Variants in WWOX observed in about 807,000 individuals in gnomAD.
WWOX encodes the protein WW domain containing oxidoreductase.
Under a neutral mutation model 46.2 loss-of-function variants are expected in WWOX, and 69 were observed. The observed-to-expected ratio is 1.49, with a 90% CI of 1.23 to 1.82. The LOEUF is 1.82. WWOX is among the 40% of genes most tolerant of loss of function. The pLI is 0.00. For missense variants in WWOX, 919 were observed against 542.6 expected, an observed-to-expected ratio of 1.69 and a Z score of -6.89; for synonymous variants, 359 against 202.6, an observed-to-expected ratio of 1.77 and a Z score of -6.56.
intron 6 of WWOX, among the ~76,000 whole-genome samples, chr16:78,414,802 A>G (rs567858803): frequency 1.2e-4 from 19 of 152,266 alleles, no homozygotes; most frequent in Middle Eastern, 6.8e-3. Flanking sequence ...TTTAAACTAT[A>G]AACGAAATTT....
intron 8 of WWOX, among the ~76,000 whole-genome samples, chr16:78,914,852 CCGGG>C (rs2045207581): frequency 1.3e-5 from 2 of 149,250 alleles, no homozygotes; most frequent in Non-Finnish European, 3.0e-5. Context: ...GCACTCCCGC[CCGGG>C]TGACAGAGCG....
chr16:78,587,216 T>TTTG (rs2045230607), intron 8 of WWOX, among the ~76,000 whole-genome samples: 4 of 134,988 alleles, frequency 3.0e-5, no homozygotes, highest in African/African-American at 1.2e-4. Context: ...TTTTTTTTTT[T>TTTG]GTAGAAACAG....
intron 8 of WWOX, among the ~76,000 whole-genome samples, chr16:78,646,781 C>A (rs1032556140): frequency 6.6e-6 from 1 of 152,192 alleles, no homozygotes; most frequent in Non-Finnish European, 1.5e-5. Context: ...AGAACTAGAA[C>A]ATAAGCTCTC....
intron 8 of WWOX, among the ~76,000 whole-genome samples, chr16:78,839,036 G>C (rs2052067598): frequency 6.6e-6 from 1 of 152,080 alleles, no homozygotes; most frequent in Non-Finnish European, 1.5e-5. Flanking sequence ...CTAGAGTTTT[G>C]TGAGATATCA....
chr16:79,157,796 A>G (rs1030846789), intron 8 of WWOX, among the ~76,000 whole-genome samples: 3 of 152,132 alleles, frequency 2.0e-5, no homozygotes, highest in African/African-American at 7.2e-5. Context: ...CAAGAGGCAG[A>G]GGGAGAGGGT....
At position 78,271,219 on chromosome 16, in the gene WWOX, C is replaced by T. The variant is rs55919432; in HGVS notation, c.516+106930C>T. ...ATGATTTCGTATGTTATCCCATTCA[C>T]AGATGGTTTTTTTCGTCCACCTGAG... On this transcript the variant is annotated intron_variant, in intron 5 of 8. Transcript: ENST00000566780. Among the ~76,000 whole-genome samples, 1,012 of 152,250 alleles carry T rather than the reference C, an allele frequency of 6.6e-3. 14 individuals are homozygous for T. The highest frequency in any genetic ancestry group is 0.048 in the South Asian group (230 of 4,814).
At chr16:78,776,316 T>C (rs1468855299) in intron 8 of WWOX, among the ~76,000 whole-genome samples, 1 of 152,248 alleles carries the variant, frequency 6.6e-6, no homozygotes, top group East Asian at 1.9e-4. Context: ...GCACAGTGGC[T>C]GGGATAGGAC....
At chr16:78,616,732 C>CTCCT (rs1460316475) in intron 8 of WWOX, among the ~76,000 whole-genome samples, 1 of 151,886 alleles carries the variant, frequency 6.6e-6, no homozygotes, top group Non-Finnish European at 1.5e-5. Context: ...TGCCACTGCA[C>CTCCT]TCCTGTCTGG....
chr16:78,647,281 A>T (rs958236537), intron 8 of WWOX, among the ~76,000 whole-genome samples: 1 of 152,158 alleles, frequency 6.6e-6, no homozygotes, highest in Non-Finnish European at 1.5e-5. Context: ...AATGCTTTAC[A>T]GGAAGGGGAG....
At chr16:78,778,802 A>G (rs779869194) in intron 8 of WWOX, among the ~76,000 whole-genome samples, 43 of 152,128 alleles carry the variant, frequency 2.8e-4, no homozygotes, top group Admixed American at 1.1e-3. Context: ...TGTCCTTTTC[A>G]TGGAAAGGGA....
intron 8 of WWOX, among the ~76,000 whole-genome samples, chr16:79,125,037 A>G (rs1443893926): frequency 8.0e-6 from 1 of 125,500 alleles, no homozygotes; most frequent in Non-Finnish European, 1.7e-5. Flanking sequence ...TCTGAAACCT[A>G]TTTTCCCATC....
intron 8 of WWOX, among the ~76,000 whole-genome samples, chr16:79,073,150 G>GTTATTATTATTATTATTA (rs58438039): frequency 2.8e-5 from 4 of 143,114 alleles, no homozygotes; most frequent in East Asian, 2.1e-4. Flanking sequence ...GTAGTTATTC[G>GTTATTATTATTATTATTA]TTATTATTAT....
At chr16:78,748,236 A>T (rs574835389) in intron 8 of WWOX, among the ~76,000 whole-genome samples, 1 of 152,316 alleles carries the variant, frequency 6.6e-6, no homozygotes, top group East Asian at 1.9e-4. Context: ...CTGATGAATG[A>T]ATGAATGAAC....
intron 8 of WWOX, among the ~76,000 whole-genome samples, chr16:78,462,036 G>C (rs1176755546): frequency 6.6e-6 from 1 of 152,190 alleles, no homozygotes; most frequent in African/African-American, 2.4e-5. Context: ...AGGCAATTTA[G>C]TACCTTTTTA....
In WWOX at chr16:78,953,402, A is replaced by G. The variant is rs182145024; in HGVS notation, c.1057-258206A>G. 1.5e-3 allele frequency among the ~76,000 whole-genome samples: 224 copies of G among 152,296 alleles called. 1 individual carries two copies. The highest frequency in any genetic ancestry group is 4.6e-3 in the African/African-American group (192 of 41,566). On this transcript the variant is annotated intron_variant, in intron 8 of 8. Coordinates refer to ENST00000566780, the MANE Select transcript of WWOX (RefSeq NM_016373.4). The stretch of plus-strand genomic sequence containing the variant: ...ATGGATGCTGCTAATTGCAAACACA[A>G]AATTCAAACCTAGTCAAATTTGAAA...
At chr16:78,663,331 A>C (rs2142178456) in intron 8 of WWOX, among the ~76,000 whole-genome samples, 1 of 152,294 alleles carries the variant, frequency 6.6e-6, no homozygotes, top group South Asian at 2.1e-4. Context: ...TGGTGCAATC[A>C]CTTTTGAACC....
rs1242691227 is a variant in WWOX, at chr16:78,334,817, CACACACACACACACAT to C, written c.517-52027_517-52012del. 6.9e-3 allele frequency among the ~76,000 whole-genome samples: 588 copies of C among 85,478 alleles called. 4 individuals carry two copies. Among genetic ancestry groups the C allele is most frequent in the African/African-American group, 0.015 (392 of 25,446 alleles). 56.1% of individuals were successfully genotyped at this position (85,478 alleles called of 152,430 possible). On this transcript the variant is annotated intron_variant, in intron 5 of 8. Transcript: ENST00000566780. ...CCACACACACACACACGCACACACACACACACACACACACATACACACACACACACACACACACAAA... is the reference window on the plus strand; with the variant it reads ...CCACACACACACACACGCACACACACACACACACACACACACACACACAAA...
At chr16:78,628,468 A>C (rs1477904630) in intron 8 of WWOX, among the ~76,000 whole-genome samples, 1 of 152,230 alleles carries the variant, frequency 6.6e-6, no homozygotes, top group Non-Finnish European at 1.5e-5. Flanking sequence ...GGGACCTGAT[A>C]TATACATGGA....
At chr16:78,164,892 G>A (rs74905026) in intron 5 of WWOX, among the ~76,000 whole-genome samples, 1,801 of 152,318 alleles carry the variant, frequency 0.012, 29 homozygotes, top group African/African-American at 0.026. Context: ...GAATGATAGC[G>A]TGAGTGTGAT....
Sources: allele counts gnomAD v4.1 joint callset (sites outside exome capture counted in the v4.1 genomes callset), GRCh38; gene constraint gnomAD v4.1.1; transcripts MANE v1.5; gene names NCBI Gene and HGNC (gene_info 2026-07-23, HGNC 2026-07-21).